Variants in EPHA6 observed in about 807,000 individuals in gnomAD.
EPHA6 encodes ephrin type-A receptor 6.
Under a neutral mutation model 112.0 loss-of-function variants are expected in EPHA6, and 50 were observed. The observed-to-expected ratio is 0.45, with a 90% CI of 0.36 to 0.56. The LOEUF (loss-of-function observed/expected upper bound fraction) is 0.56, where lower values mean the gene tolerates loss of function less well. EPHA6 is among the 20% of genes least tolerant of loss of function. The probability of loss-of-function intolerance (pLI) is 0.00; values close to 1 mark genes in which losing one functional copy is unlikely to be tolerated. For synonymous variants in EPHA6, 529 were observed against 490.7 expected, an observed-to-expected ratio of 1.08 and a Z score of -1.03; for missense variants, 1,280 against 1,417.4, an observed-to-expected ratio of 0.90 and a Z score of 1.56.
intron 16 of EPHA6, among the ~76,000 whole-genome samples, chr3:97,736,870 T>G (rs1351376825): frequency 6.6e-6 from 1 of 152,040 alleles, no homozygotes; most frequent in Non-Finnish European, 1.5e-5. Flanking sequence ...TTAGAAAAAG[T>G]TGGACTTAGA....
At chr3:96,888,935 A>T (rs369162196) in intron 2 of EPHA6, among the ~76,000 whole-genome samples, 1 of 152,158 alleles carries the variant, frequency 6.6e-6, no homozygotes, top group African/African-American at 2.4e-5. Context: ...AATGCCTTTA[A>T]CAGCACCCAA....
In EPHA6 at chr3:97,536,002, G is replaced by C. The variant is rs567487505; in HGVS notation, c.2386+3459G>C. On this transcript the variant is annotated intron_variant, in intron 11 of 17. Coordinates refer to ENST00000389672, the MANE Select transcript of EPHA6 (RefSeq NM_001080448.3). The stretch of plus-strand genomic sequence containing the variant: ...CAAAAAACTGTGTTTGATAAGAGTT[G>C]AACCTATTTGTTTGATATGCATCAC... Among the ~76,000 whole-genome samples, 16 of 152,150 alleles carry C rather than the reference G, an allele frequency of 1.1e-4. No homozygotes were observed. The South Asian group carries it at 3.3e-3, about 32-fold the overall frequency.
At chr3:97,146,078 C>G (rs915270021) in intron 3 of EPHA6, among the ~76,000 whole-genome samples, 1 of 151,660 alleles carries the variant, frequency 6.6e-6, no homozygotes, top group Non-Finnish European at 1.5e-5. Flanking sequence ...TTAAATTATA[C>G]AATATTGCCA....
rs539433929 is a variant in EPHA6, at chr3:97,626,747, A to G, written c.2575-11126A>G. Among the ~76,000 whole-genome samples the G allele has an allele frequency of 3.9e-5, 6 of 151,962 alleles. No homozygotes were observed. In the East Asian group the frequency reaches 7.8e-4, roughly 20 times the overall value. On this transcript the variant is annotated intron_variant, in intron 13 of 17. Transcript: ENST00000389672. ...GTTTGCAAGAGCTGGTTGATAAACTATTAGTAGCTTAAAATTTGCTATGTT... is the reference window on the plus strand; with the variant it reads ...GTTTGCAAGAGCTGGTTGATAAACTGTTAGTAGCTTAAAATTTGCTATGTT...
rs2107498453 is a variant in EPHA6, at chr3:97,484,015, A to G, written c.2156A>G (p.Glu719Gly). 6.2e-7 allele frequency: 1 copy of G among 1,610,806 alleles called. No individual in the cohort carries two copies. The highest frequency in any genetic ancestry group is 1.7e-4 in the Middle Eastern group (1 of 6,056). Residue 719 changes from glutamate (E) to glycine (G), a missense_variant, in exon 10 of 18, where the codon GAG becomes GGG. This residue lies in a region of EPHA6 where 878 missense variants were observed against 999.7 expected (regional missense o/e 0.88). Coordinates refer to ENST00000389672, the MANE Select transcript of EPHA6 (RefSeq NM_001080448.3). ...PSLAVHEFAK[E>G]IDPSRIRIER... ...CTAGCAGTCCATGAATTTGCAAAGG[A>G]GATTGATCCCTCAAGAATTCGTATT...
At chr3:97,391,298 A>C (rs1343963971) in intron 5 of EPHA6, among the ~76,000 whole-genome samples, 1 of 151,982 alleles carries the variant, frequency 6.6e-6, no homozygotes, top group Non-Finnish European at 1.5e-5. Flanking sequence ...AACATTTTGA[A>C]TATAAAAGAT....
At chr3:97,165,132 G>A (rs1236454768) in intron 3 of EPHA6, among the ~76,000 whole-genome samples, 1 of 152,102 alleles carries the variant, frequency 6.6e-6, no homozygotes, top group Non-Finnish European at 1.5e-5. Context: ...GAGTTAAAAT[G>A]TGTTTCTGTT....
chr3:96,903,486 G>T (rs1407920077), intron 2 of EPHA6, among the ~76,000 whole-genome samples: 1 of 152,048 alleles, frequency 6.6e-6, no homozygotes, highest in Non-Finnish European at 1.5e-5. Context: ...TTAAATGTCA[G>T]AAGATTATTT....
At chr3:96,956,685 A>G (rs925449524) in intron 2 of EPHA6, among the ~76,000 whole-genome samples, 2 of 152,160 alleles carry the variant, frequency 1.3e-5, no homozygotes, top group African/African-American at 4.8e-5. Context: ...TTTAATAAAA[A>G]GAGAAAAAGT....
chr3:97,174,572 T>C (rs936302422), intron 3 of EPHA6, among the ~76,000 whole-genome samples: 1 of 151,928 alleles, frequency 6.6e-6, no homozygotes, highest in African/African-American at 2.4e-5. Context: ...ATTGCTTGTC[T>C]TTTAGATATA....
At position 97,382,589 on chromosome 3, in the gene EPHA6, T is replaced by G. The variant is rs564818633; in HGVS notation, c.1607-22561T>G. ...AGTAGTGCTCAATTGATGTGCTCTTTCAAATAACTAAAGCATTTTTAACTT... is the reference window on the plus strand; with the variant it reads ...AGTAGTGCTCAATTGATGTGCTCTTGCAAATAACTAAAGCATTTTTAACTT... On this transcript the variant is annotated intron_variant, in intron 5 of 17. Coordinates refer to ENST00000389672, the MANE Select transcript of EPHA6 (RefSeq NM_001080448.3). Among the ~76,000 whole-genome samples the G allele has an allele frequency of 2.6e-5, 4 of 152,172 alleles. No homozygotes were observed. The South Asian group carries it at 8.3e-4, about 32-fold the overall frequency.
intron 1 of EPHA6, among the ~76,000 whole-genome samples, chr3:96,822,357 C>T (rs1243720063): frequency 6.6e-6 from 1 of 151,744 alleles, no homozygotes. Context: ...TTTAACTGAG[C>T]TTTGTGAGAA....
chr3:96,994,970 C>T (rs975161189), intron 3 of EPHA6, among the ~76,000 whole-genome samples: 3 of 151,810 alleles, frequency 2.0e-5, no homozygotes, highest in South Asian at 2.1e-4. Flanking sequence ...TTTCTTCTGC[C>T]TAGAAATATG....
intron 4 of EPHA6, among the ~76,000 whole-genome samples, chr3:97,241,015 C>T (rs570501164): frequency 1.3e-5 from 2 of 151,422 alleles, no homozygotes; most frequent in African/African-American, 4.8e-5. Context: ...TCTGCTACTC[C>T]GAGAGGAAGA....
Position 96,920,036 on chromosome 3 carries a change from TTC to T in EPHA6, c.450+53149_450+53150del, listed in dbSNP as rs2039681432. Among the ~76,000 whole-genome samples, 3 of 151,932 alleles carry T rather than the reference TTC, an allele frequency of 2.0e-5. No homozygotes were observed. In the South Asian group the frequency reaches 6.2e-4, roughly 31 times the overall value. ...AAATGACTTTGGAGCAGGCCGAGATTTCTTAAAGACTACTGAAAATACTTGCA... is the reference window on the plus strand; with the variant it reads ...AAATGACTTTGGAGCAGGCCGAGATTTTAAAGACTACTGAAAATACTTGCA... On this transcript the variant is annotated intron_variant, in intron 2 of 17. Transcript: ENST00000389672.
At chr3:97,100,917 A>G (rs1171375110) in intron 3 of EPHA6, among the ~76,000 whole-genome samples, 2 of 152,048 alleles carry the variant, frequency 1.3e-5, no homozygotes, top group Admixed American at 1.3e-4. Flanking sequence ...ATAAATGAGA[A>G]TAAGATAAAT....
intron 3 of EPHA6, among the ~76,000 whole-genome samples, chr3:97,036,000 A>T (rs568268640): frequency 6.6e-6 from 1 of 151,942 alleles, no homozygotes; most frequent in East Asian, 1.9e-4. Flanking sequence ...AGGCTCCAGA[A>T]TGCTTCCTTG....
intron 7 of EPHA6, among the ~76,000 whole-genome samples, chr3:97,470,495 C>T (rs192556161): frequency 8.2e-4 from 124 of 151,730 alleles, no homozygotes; most frequent in Non-Finnish European, 1.4e-3. Context: ...ACAGATTTTA[C>T]TTTGAAATGT....
chr3:97,554,729 C>G (rs183573145), intron 11 of EPHA6, among the ~76,000 whole-genome samples: 1 of 151,956 alleles, frequency 6.6e-6, no homozygotes, highest in African/African-American at 2.4e-5. Context: ...AGAACAGTTC[C>G]TTGTGTCTGT....
Sources: allele counts gnomAD v4.1 joint callset (sites outside exome capture counted in the v4.1 genomes callset), GRCh38; gene constraint gnomAD v4.1.1; regional missense constraint gnomAD v4.1.1; transcripts MANE v1.5; gene names NCBI Gene and HGNC (gene_info 2026-07-23, HGNC 2026-07-21).